The following RBFOX1 variants were observed in gnomAD, a reference collection of about 807,000 sequenced individuals.
RBFOX1 encodes RNA binding fox-1 homolog 1, also known as RNA binding protein fox-1 homolog 1.
Under a neutral mutation model 57.7 loss-of-function variants are expected in RBFOX1, and 8 were observed. The observed-to-expected ratio is 0.14, with a 90% CI of 0.08 to 0.25. The LOEUF is 0.25. RBFOX1 is among the 10% of genes least tolerant of loss of function. The pLI is 1.00. For missense variants in RBFOX1, 611 were observed against 548.5 expected (o/e 1.11, Z -1.14); for synonymous variants, 326 against 222.4 (o/e 1.47, Z -4.15).
intron 7 of RBFOX1, among the ~76,000 whole-genome samples, chr16:7,590,279 T>G (rs2094373567): frequency 6.6e-6 from 1 of 152,022 alleles, no homozygotes; most frequent in African/African-American, 2.4e-5. Context: ...AACAAGTATC[T>G]ATATTACTTT....
chr16:7,165,157 GAA>G (rs2079158440), intron 4 of RBFOX1, among the ~76,000 whole-genome samples: 1 of 152,038 alleles, frequency 6.6e-6, no homozygotes, highest in East Asian at 1.9e-4. Context: ...TACTTGTGTT[GAA>G]TATCATGTCA....
chr16:6,599,965 C>T (rs1285307679), intron 2 of RBFOX1, among the ~76,000 whole-genome samples: 1 of 152,158 alleles, frequency 6.6e-6, no homozygotes, highest in Non-Finnish European at 1.5e-5. Context: ...CCATAACTCA[C>T]AGTAAGGTAT....
At chr16:6,446,195 G>C (rs1277064386) in intron 2 of RBFOX1, among the ~76,000 whole-genome samples, 2 of 152,116 alleles carry the variant, frequency 1.3e-5, no homozygotes, top group African/African-American at 4.8e-5. Context: ...TTAGAGCCAG[G>C]GTCTTGTCAT....
rs73498777 is a variant in RBFOX1 at position 7,708,345 on chromosome 16, G to A, written c.996-711G>A. Among the ~76,000 whole-genome samples, 1,492 of 152,288 alleles carry A rather than the reference G, an allele frequency of 9.8e-3. 22 individuals are homozygous for A. Among genetic ancestry groups the A allele is most frequent in the African/African-American group, 0.034 (1,393 of 41,548 alleles). ...TCCTAAAGCCTATACCAGAAGCCAT[G>A]GCAGGTAGTAGGATGGTAGAGAGAA... On this transcript the variant is annotated intron_variant, in intron 14 of 15. Coordinates refer to ENST00000550418, the MANE Select transcript of RBFOX1 (RefSeq NM_018723.4).
In RBFOX1 at chr16:5,262,091, G is replaced by T. The variant is rs563933208; in HGVS notation, c.219+21986G>T. Among the ~76,000 whole-genome samples, 4 of 152,314 alleles carry T rather than the reference G, an allele frequency of 2.6e-5. No individual in the cohort carries two copies. In the South Asian group the frequency reaches 8.3e-4, roughly 32 times the overall value. ...CAACGTATTTTGAGATATCAGAGAA[G>T]GGAGCAACTAATTCTATTAATATTT... On this transcript the variant is annotated intron_variant, in intron 1 of 2. Coordinates refer to the RBFOX1 transcript ENST00000585867.
chr16:5,698,431 T>G (rs2050916469), intron 3 of RBFOX1, among the ~76,000 whole-genome samples: 1 of 152,206 alleles, frequency 6.6e-6, no homozygotes, highest in Non-Finnish European at 1.5e-5. Flanking sequence ...TGTAGTTTCC[T>G]TACTTTTTCT....
intron 4 of RBFOX1, among the ~76,000 whole-genome samples, chr16:7,455,361 C>G (rs180923200): frequency 9.8e-5 from 15 of 152,290 alleles, no homozygotes; most frequent in Admixed American, 2.6e-4. Context: ...GCATGTATGT[C>G]TCTGTGCACA....
At chr16:7,018,557 T>C (rs1163777448) in intron 3 of RBFOX1, among the ~76,000 whole-genome samples, 1 of 152,194 alleles carries the variant, frequency 6.6e-6, no homozygotes, top group Non-Finnish European at 1.5e-5. Context: ...TGTGTCCTTA[T>C]AGCAGCATAA....
intron 4 of RBFOX1, among the ~76,000 whole-genome samples, chr16:7,357,129 G>T (rs1276602084): frequency 2.0e-5 from 3 of 151,998 alleles, no homozygotes; most frequent in Admixed American, 6.6e-5. Context: ...AAGAAACTGT[G>T]TGCTCGAGGT....
At chr16:6,500,309 A>T (rs528828302) in intron 2 of RBFOX1, among the ~76,000 whole-genome samples, 1 of 152,184 alleles carries the variant, frequency 6.6e-6, no homozygotes, top group Non-Finnish European at 1.5e-5. Flanking sequence ...GCTTCAAGGT[A>T]TACACATTCT....
chr16:7,698,754 G>C (rs548447973), intron 14 of RBFOX1, among the ~76,000 whole-genome samples: 1 of 152,116 alleles, frequency 6.6e-6, no homozygotes, highest in Non-Finnish European at 1.5e-5. Flanking sequence ...AATAGGGAAA[G>C]TACAGGGAGC....
intron 3 of RBFOX1, among the ~76,000 whole-genome samples, chr16:6,677,296 C>T (rs900298860): frequency 4.6e-5 from 7 of 152,158 alleles, no homozygotes; most frequent in African/African-American, 1.7e-4. Context: ...GTGGTCAACA[C>T]ATCTGTCATT....
rs530979877 is a variant in RBFOX1 at position 7,304,697 on chromosome 16, A to G, written c.28-213450A>G. 2.0e-5 allele frequency among the ~76,000 whole-genome samples: 3 copies of G among 151,704 alleles called. No homozygotes were observed. The South Asian group carries it at 6.3e-4, about 32-fold the overall frequency. On this transcript the variant is annotated intron_variant, in intron 4 of 15. Transcript: ENST00000550418. ...TCTGCACCTGTCCGAATACTTTAAAACCGCCTGATGCCCAGCCTGGGCACC... is the reference window on the plus strand; with the variant it reads ...TCTGCACCTGTCCGAATACTTTAAAGCCGCCTGATGCCCAGCCTGGGCACC...
At chr16:5,353,725 G>A (rs2065315784) in intron 1 of RBFOX1, among the ~76,000 whole-genome samples, 1 of 31,726 alleles carries the variant, frequency 3.2e-5, no homozygotes, top group Non-Finnish European at 1.9e-4. Context: ...TTCCCATTGA[G>A]GAAAAAAAAA....
intron 4 of RBFOX1, among the ~76,000 whole-genome samples, chr16:7,243,921 G>A (rs943736765): frequency 1.3e-5 from 2 of 151,962 alleles, no homozygotes; most frequent in East Asian, 3.9e-4. Context: ...AATTTCTAAT[G>A]GATTTAAGAG....
At chr16:7,265,686 T>G (rs1258659333) in intron 4 of RBFOX1, among the ~76,000 whole-genome samples, 1 of 152,168 alleles carries the variant, frequency 6.6e-6, no homozygotes, top group African/African-American at 2.4e-5. Flanking sequence ...TGACCTCAGG[T>G]GATCCGCCTG....
chr16:6,738,437 T>C (rs1296124787), intron 3 of RBFOX1, among the ~76,000 whole-genome samples: 3 of 152,106 alleles, frequency 2.0e-5, no homozygotes, highest in African/African-American at 4.8e-5. Context: ...AGAGTATTTA[T>C]AGGAATTCTG....
At chr16:6,735,702 A>G (rs1001099864) in intron 3 of RBFOX1, among the ~76,000 whole-genome samples, 2 of 152,164 alleles carry the variant, frequency 1.3e-5, no homozygotes, top group African/African-American at 4.8e-5. Flanking sequence ...CATTTCCCCT[A>G]GAAACTGAAT....
intron 3 of RBFOX1, among the ~76,000 whole-genome samples, chr16:6,933,386 C>G (rs1011792472): frequency 6.6e-6 from 1 of 152,244 alleles, no homozygotes; most frequent in African/African-American, 2.4e-5. Flanking sequence ...CTGTCCACAT[C>G]ATTGCCAACA....
Sources: gnomAD v4.1 joint callset for allele counts (sites outside exome capture counted in the v4.1 genomes callset) on GRCh38, gnomAD v4.1.1 for gene constraint, MANE v1.5 for transcripts, NCBI Gene and HGNC (gene_info 2026-07-23, HGNC 2026-07-21) for gene names.